CDH17: variants seen among roughly 807,000 people sequenced by gnomAD.
CDH17 encodes cadherin-17.
A neutral mutation model predicts 86.3 loss-of-function variants in CDH17; 67 were observed. That is an observed-to-expected ratio of 0.78 (90% confidence interval 0.64 to 0.95). The LOEUF (loss-of-function observed/expected upper bound fraction) is 0.95, where lower values mean the gene tolerates loss of function less well. Among genes scored for constraint, CDH17 ranks in the 40% least tolerant of loss-of-function variants. The pLI is 0.00. For synonymous variants in CDH17, 367 were observed against 366.4 expected (o/e 1.00, Z -0.02); for missense variants, 993 against 1,017.6 (o/e 0.98, Z 0.33).
At chr8:94,140,395 A>C (rs1028504707) in intron 15 of CDH17, among the ~76,000 whole-genome samples, 22 of 152,182 alleles carry the variant, frequency 1.4e-4, no homozygotes, top group Non-Finnish European at 3.2e-4. Flanking sequence ...ACACCACTGC[A>C]CTGCAGCCTG....
intron 1 of CDH17, chr8:94,201,992 G>A (rs77169152): frequency 0.049 from 10,768 of 219,654 alleles, 1,236 homozygotes; most frequent in African/African-American, 0.24. Context: ...CTGAGGAATA[G>A]CTTTGAGTTT....
In CDH17 at chr8:94,135,693, A is replaced by G. The variant is rs571901166; in HGVS notation, c.2168-4701T>C. ...TGTTATGTGTGAATTTGATCCTGTCATTATGATGTTAGCTGGTTATTTTGC... is the reference window on the plus strand; with the variant it reads ...TGTTATGTGTGAATTTGATCCTGTCGTTATGATGTTAGCTGGTTATTTTGC... On this transcript the variant is annotated intron_variant, in intron 15 of 17. Coordinates refer to ENST00000027335, the MANE Select transcript of CDH17 (RefSeq NM_004063.4). Among the ~76,000 whole-genome samples, 8 of 152,228 alleles carry G rather than the reference A, an allele frequency of 5.3e-5. No homozygotes were observed. In the East Asian group the frequency reaches 1.4e-3, roughly 26 times the overall value.
At chr8:94,136,621 A>G (rs1812533301) in intron 15 of CDH17, among the ~76,000 whole-genome samples, 1 of 152,160 alleles carries the variant, frequency 6.6e-6, no homozygotes, top group South Asian at 2.1e-4. Flanking sequence ...GTTATTACCA[A>G]CCTTCTGAAG....
chr8:94,152,655 C>T (rs1156619182), intron 12 of CDH17, among the ~76,000 whole-genome samples: 4 of 152,104 alleles, frequency 2.6e-5, no homozygotes, highest in Non-Finnish European at 1.5e-5. Flanking sequence ...ACCTTGGCCT[C>T]CCAAAGGGCT....
At chr8:94,152,599 T>C (rs909522819) in intron 12 of CDH17, among the ~76,000 whole-genome samples, 2 of 152,236 alleles carry the variant, frequency 1.3e-5, no homozygotes, top group Admixed American at 6.5e-5. Context: ...GGTTTCACCA[T>C]GTTGGCCAGG....
upstream of CDH17, among the ~76,000 whole-genome samples, chr8:94,211,479 T>G (rs1814120692): frequency 6.6e-6 from 1 of 152,022 alleles, no homozygotes; most frequent in South Asian, 2.1e-4. Flanking sequence ...ACCCGGCTAA[T>G]TTTTTATATT....
chr8:94,199,083 A>AT lies in CDH17; in HGVS notation c.-20-4379dup, dbSNP rs71510475. 4.4e-3 allele frequency among the ~76,000 whole-genome samples: 102 copies of AT among 23,218 alleles called. 1 individual carries two copies. Among genetic ancestry groups the AT allele is most frequent in the South Asian group, 7.5e-3 (3 of 400 alleles). 15.2% of individuals were successfully genotyped at this position (23,218 alleles called of 152,430 possible). A position where few individuals can be genotyped will look rare whatever the true frequency, so the allele number is the denominator to read the frequency against. ...TATATATATATATATATATATATAT[A>AT]TTTTTTTTTTTTTATCATTTGTCTG... On this transcript the variant is annotated intron_variant, in intron 1 of 17. Coordinates refer to ENST00000027335, the MANE Select transcript of CDH17 (RefSeq NM_004063.4).
intron 3 of CDH17, among the ~76,000 whole-genome samples, chr8:94,181,270 A>G (rs954391468): frequency 2.0e-5 from 3 of 152,188 alleles, no homozygotes; most frequent in African/African-American, 7.2e-5. Context: ...ACTTTAAATA[A>G]TAGAATAGAA....
intron 3 of CDH17, among the ~76,000 whole-genome samples, chr8:94,182,365 T>G (rs189271781): frequency 6.6e-5 from 10 of 152,154 alleles, no homozygotes; most frequent in Non-Finnish European, 1.5e-5. Context: ...AGGCACAAAA[T>G]TTTCCAATGA....
intron 3 of CDH17, among the ~76,000 whole-genome samples, chr8:94,183,441 G>A (rs1470630472): frequency 1.3e-5 from 2 of 152,116 alleles, no homozygotes; most frequent in African/African-American, 4.8e-5. Flanking sequence ...GATTTCTGAT[G>A]AGGATGCTAA....
intron 5 of CDH17, 68 bp downstream of exon 5, chr8:94,176,473 A>G: frequency 6.5e-7 from 1 of 1,549,322 alleles, no homozygotes; most frequent in Non-Finnish European, 8.8e-7. Context: ...TATTAGCCAC[A>G]CAAGTCTGCC....
chr8:94,168,445 A>G (rs1358648580), intron 9 of CDH17, among the ~76,000 whole-genome samples: 2 of 151,416 alleles, frequency 1.3e-5, no homozygotes, highest in African/African-American at 2.4e-5. Flanking sequence ...ACCTGGCCTA[A>G]TTCAGTATTT....
At chr8:94,151,842 G>T in intron 13 of CDH17, 26 bp downstream of exon 13, 1 of 1,613,382 alleles carries the variant, frequency 6.2e-7, no homozygotes, top group Non-Finnish European at 8.5e-7. Context: ...ACGCAGCCAG[G>T]CCTGCCCAGC....
chr8:94,130,555 A>T, intron 17 of CDH17, 71 bp downstream of exon 17: 1 of 1,029,078 alleles, frequency 9.7e-7, no homozygotes, highest in Non-Finnish European at 1.5e-6. Flanking sequence ...GTCCAGGAAG[A>T]CAGGCCCTGA....
intron 3 of CDH17, among the ~76,000 whole-genome samples, chr8:94,188,253 ATGAT>A (rs1813620147): frequency 6.6e-6 from 1 of 152,188 alleles, no homozygotes; most frequent in African/African-American, 2.4e-5. Context: ...TGCTATGTAA[ATGAT>A]TATTATACTG....
upstream of CDH17, among the ~76,000 whole-genome samples, chr8:94,211,157 TC>T (rs1470657198): frequency 7.2e-5 from 11 of 151,908 alleles, no homozygotes; most frequent in Non-Finnish European, 1.5e-5. Flanking sequence ...TCCAATATTA[TC>T]CCTAGAAAAT....
intron 3 of CDH17, among the ~76,000 whole-genome samples, chr8:94,184,308 C>A (rs1813536937): frequency 6.6e-6 from 1 of 151,724 alleles, no homozygotes; most frequent in Non-Finnish European, 1.5e-5. Flanking sequence ...TTCATTATAG[C>A]CATAAATGAA....
At chr8:94,131,581 C>T (rs910785692) in intron 15 of CDH17, among the ~76,000 whole-genome samples, 1 of 152,098 alleles carries the variant, frequency 6.6e-6, no homozygotes, top group African/African-American at 2.4e-5. Context: ...AGGCACACAT[C>T]ACAGCCTTCC....
intron 14 of CDH17, among the ~76,000 whole-genome samples, chr8:94,147,804 G>T (rs140274319): frequency 6.6e-6 from 1 of 152,266 alleles, no homozygotes; most frequent in African/African-American, 2.4e-5. Context: ...AAGATACAAA[G>T]ATTACACAGG....
Sources: allele counts gnomAD v4.1 joint callset (sites outside exome capture counted in the v4.1 genomes callset), GRCh38; gene constraint gnomAD v4.1.1; transcripts MANE v1.5; gene names NCBI Gene and HGNC (gene_info 2026-07-23, HGNC 2026-07-21).